Variants in GABRA3 observed in about 807,000 individuals in gnomAD.
GABRA3 encodes the protein gamma-aminobutyric acid receptor subunit alpha-3.
GABRA3 carries 10 observed loss-of-function variants against 30.1 expected under a neutral mutation model. The ratio of observed to expected loss-of-function variants is 0.33; its 90% CI spans 0.20 to 0.56. The LOEUF is 0.56. GABRA3 is among the 20% of genes least tolerant of loss of function. GABRA3 has a pLI of 0.89. For missense variants in GABRA3, 233 were observed against 392.0 expected (o/e 0.59, Z 3.42); for synonymous variants, 151 against 146.8 (o/e 1.03, Z -0.21).
intron 2 of GABRA3, among the ~76,000 whole-genome samples, chrX:152,347,186 C>T (rs1037471529): frequency 9.0e-6 from 1 of 111,521 alleles, no homozygotes; most frequent in African/African-American, 3.3e-5. Flanking sequence ...CTGTCATTTG[C>T]AAAACATGGA....
At chrX:152,314,127 T>C (rs1448529282) in intron 3 of GABRA3, among the ~76,000 whole-genome samples, 1 of 111,801 alleles carries the variant, frequency 8.9e-6, no homozygotes, top group Non-Finnish European at 1.9e-5. Flanking sequence ...CCCTGCTACA[T>C]GACACGTCGA....
intron 4 of GABRA3, among the ~76,000 whole-genome samples, chrX:152,270,804 AAGAACGCATCACTACACTTCAGCCT>A (rs1351238597): frequency 1.8e-5 from 2 of 108,190 alleles, no homozygotes; most frequent in African/African-American, 6.7e-5. Flanking sequence ...GCAGTGAGCC[AAGAACGCATCACTACACTTCAGCCT>A]GGGTGACAGA....
At chrX:152,260,898 C>T (rs1354184974) in intron 4 of GABRA3, among the ~76,000 whole-genome samples, 1 of 111,802 alleles carries the variant, frequency 8.9e-6, no homozygotes, top group Non-Finnish European at 1.9e-5. Context: ...CTGTATTACT[C>T]CATTCTCATG....
chrX:152,324,856 T>C (rs184183112), intron 3 of GABRA3, among the ~76,000 whole-genome samples: 3 of 111,887 alleles, frequency 2.7e-5, no homozygotes, highest in Non-Finnish European at 5.6e-5. Context: ...ATTGAGGAGA[T>C]TGGCTGGTCA....
intron 4 of GABRA3, among the ~76,000 whole-genome samples, chrX:152,267,797 A>G (rs1938854461): frequency 9.0e-6 from 1 of 110,623 alleles, no homozygotes; most frequent in Admixed American, 9.6e-5. Context: ...TTGGTGTATA[A>G]TTGTTTATAA....
At chrX:152,182,589 A>G (rs1286319586) in intron 9 of GABRA3, among the ~76,000 whole-genome samples, 1 of 74,463 alleles carries the variant, frequency 1.3e-5, no homozygotes, top group Non-Finnish European at 2.4e-5. Flanking sequence ...TATAGTGTAT[A>G]TACACACTAT....
chrX:152,257,301 G>C (rs1300175469), intron 4 of GABRA3, among the ~76,000 whole-genome samples: 1 of 112,097 alleles, frequency 8.9e-6, no homozygotes, highest in Non-Finnish European at 1.9e-5. Flanking sequence ...GAGAACCACT[G>C]AGAGGGTGAG....
chrX:152,413,280 A>T (rs1386163296), intron 1 of GABRA3, among the ~76,000 whole-genome samples: 1 of 110,954 alleles, frequency 9.0e-6, no homozygotes, highest in East Asian at 2.8e-4. Context: ...CAAAAGGTGA[A>T]TAGGAAAGAA....
chrX:152,211,318 A>G (rs1457165319), intron 6 of GABRA3, among the ~76,000 whole-genome samples: 1 of 109,113 alleles, frequency 9.2e-6, no homozygotes, highest in Non-Finnish European at 1.9e-5. Flanking sequence ...TGAAAATCCA[A>G]GCAGACCCTA....
In GABRA3 at chrX:152,430,853, C is replaced by T. The variant is rs1001126414; in HGVS notation, c.-27+20293G>A. The stretch of plus-strand genomic sequence containing the variant: ...AATGTAAGAAAATAATAAAATCAGC[C>T]TAGTAGGGCCAATATTAAAATAGTA... On this transcript the variant is annotated intron_variant, in intron 1 of 9. Coordinates refer to ENST00000370314, the MANE Select transcript of GABRA3 (RefSeq NM_000808.4). Among the ~76,000 whole-genome samples, 5 of 109,670 alleles carry T rather than the reference C, an allele frequency of 4.6e-5. No individual in the cohort carries two copies. In the South Asian group the frequency reaches 2.0e-3, roughly 43 times the overall value.
chrX:152,429,271 GTC>G (rs1020163787), intron 1 of GABRA3, among the ~76,000 whole-genome samples: 17 of 109,388 alleles, frequency 1.6e-4, no homozygotes, highest in African/African-American at 5.3e-4. Context: ...CAAACCCATG[GTC>G]TCTCTCTCCC....
chrX:152,391,292 A>C (rs1446826213), intron 1 of GABRA3, among the ~76,000 whole-genome samples: 5 of 112,029 alleles, frequency 4.5e-5, no homozygotes, highest in Non-Finnish European at 3.8e-5. Context: ...TCTATAGTAC[A>C]ACCCCATACA....
intron 2 of GABRA3, among the ~76,000 whole-genome samples, chrX:152,352,992 G>A (rs906330502): frequency 9.0e-6 from 1 of 110,689 alleles, no homozygotes; most frequent in African/African-American, 3.3e-5. Context: ...AAGGATGCCA[G>A]TTATATACTA....
intron 5 of GABRA3, among the ~76,000 whole-genome samples, chrX:152,226,986 G>C (rs1298110873): frequency 9.0e-6 from 1 of 110,905 alleles, no homozygotes; most frequent in East Asian, 2.9e-4. Context: ...ATTCCTCAGG[G>C]ATCTAGAACT....
intron 3 of GABRA3, among the ~76,000 whole-genome samples, chrX:152,296,006 A>G (rs779269632): frequency 2.7e-5 from 3 of 112,150 alleles, no homozygotes; most frequent in Admixed American, 9.4e-5. Flanking sequence ...ACAAAACTCA[A>G]CTACACCTTT....
intron 5 of GABRA3, 90 bp downstream of exon 5, chrX:152,255,688 G>A (rs1485188172): frequency 2.6e-6 from 2 of 775,660 alleles, no homozygotes; most frequent in African/African-American, 4.1e-5. Context: ...ATACACTTGA[G>A]GGAATTTTCA....
intron 1 of GABRA3, among the ~76,000 whole-genome samples, chrX:152,433,464 T>C (rs780675411): frequency 3.4e-4 from 35 of 104,396 alleles, no homozygotes; most frequent in Non-Finnish European, 5.3e-4. Context: ...AATTAGAAAA[T>C]ATAATAGAAA....
At chrX:152,238,431 C>G (rs1938277438) in intron 5 of GABRA3, among the ~76,000 whole-genome samples, 1 of 106,943 alleles carries the variant, frequency 9.4e-6, no homozygotes, top group South Asian at 4.1e-4. Context: ...CATTGTTCAT[C>G]AAGGATATTG....
intron 6 of GABRA3, among the ~76,000 whole-genome samples, chrX:152,211,921 G>T (rs941694589): frequency 2.7e-5 from 3 of 110,499 alleles, no homozygotes; most frequent in African/African-American, 9.9e-5. Context: ...GTGAGCACAT[G>T]GAGCGGTAAA....
Sources: gnomAD v4.1 joint callset for allele counts (sites outside exome capture counted in the v4.1 genomes callset) on GRCh38, gnomAD v4.1.1 for gene constraint, MANE v1.5 for transcripts, NCBI Gene and HGNC (gene_info 2026-07-23, HGNC 2026-07-21) for gene names.